The following MEF2C variants were observed in gnomAD, a reference collection of about 807,000 sequenced individuals.
The protein encoded by MEF2C is myocyte-specific enhancer factor 2C.
In MEF2C, 6 loss-of-function variants were observed where a neutral mutation model predicts 50.5. The observed-to-expected ratio is 0.12, with a 90% CI of 0.07 to 0.23. The LOEUF is 0.23. MEF2C is among the 10% of genes least tolerant of loss of function. The pLI is 1.00. For missense variants in MEF2C, 276 were observed against 605.0 expected, an observed-to-expected ratio of 0.46 and a Z score of 5.70; for synonymous variants, 183 against 228.0, an observed-to-expected ratio of 0.80 and a Z score of 1.78.
chr5:88,899,636 G>A (rs1313634863), intron 1 of MEF2C, among the ~76,000 whole-genome samples: 2 of 152,112 alleles, frequency 1.3e-5, no homozygotes, highest in Admixed American at 1.3e-4. Context: ...TTCAAAAGCA[G>A]ATACCGGACA....
chr5:88,717,682 T>A lies in MEF2C; in HGVS notation c.*4922A>T, dbSNP rs1400268369. ...GTGTCTTGTTTTCCTTTTCAGTTTT[T>A]AAATTAATCTTTCTATCAATCTTTT... On this transcript the variant is annotated 3_prime_UTR_variant, in exon 11 of 11. Coordinates refer to ENST00000504921, the MANE Select transcript of MEF2C (RefSeq NM_002397.5). 6.6e-6 allele frequency: 1 copy of A among 152,216 alleles called. No homozygotes were observed. The highest frequency in any genetic ancestry group is 1.9e-4 in the East Asian group (1 of 5,198). 9.4% of individuals were successfully genotyped at this position (152,216 alleles called of 1,614,324 possible). A position where few individuals can be genotyped will look rare whatever the true frequency, so the allele number is the denominator to read the frequency against.
chr5:88,849,300 T>A (rs1041251927), intron 1 of MEF2C, among the ~76,000 whole-genome samples: 4 of 152,160 alleles, frequency 2.6e-5, no homozygotes, highest in Non-Finnish European at 5.9e-5. Flanking sequence ...AAAATTCACA[T>A]ATCTAAGAGC....
chr5:88,754,900 C>T (rs560031380), intron 4 of MEF2C, among the ~76,000 whole-genome samples: 1 of 152,190 alleles, frequency 6.6e-6, no homozygotes, highest in Non-Finnish European at 1.5e-5. Flanking sequence ...ATCTCATCGC[C>T]TAACACCTTC....
chr5:88,763,655 TC>T (rs1778788346), intron 3 of MEF2C, among the ~76,000 whole-genome samples: 1 of 151,604 alleles, frequency 6.6e-6, no homozygotes, highest in Non-Finnish European at 1.5e-5. Flanking sequence ...ATTCTTTCTT[TC>T]TTTTTTTTTT....
At chr5:88,780,320 A>G (rs1171412839) in intron 3 of MEF2C, among the ~76,000 whole-genome samples, 1 of 152,174 alleles carries the variant, frequency 6.6e-6, no homozygotes, top group East Asian at 1.9e-4. Context: ...CTCCAGGTGC[A>G]GAGTTCAGAA....
rs955343269 is a variant in MEF2C, at chr5:88,742,803, C to T, written c.637+6267G>A. 4.1e-6 allele frequency: 4 copies of T among 985,056 alleles called. No homozygotes were observed. In the African/African-American group the frequency reaches 5.2e-5, roughly 13 times the overall value. 61.0% of individuals were successfully genotyped at this position (985,056 alleles called of 1,614,324 possible). A position where few individuals can be genotyped will look rare whatever the true frequency, so the allele number is the denominator to read the frequency against. ...AAGGTAATGGTTTATCTATAATTTG[C>T]TTGGTTTTGTATATGGAAAGTGAAC... is the stretch of plus-strand genomic sequence containing the variant. On this transcript the variant is annotated intron_variant, in intron 6 of 10. Coordinates refer to ENST00000504921, the MANE Select transcript of MEF2C (RefSeq NM_002397.5).
chr5:88,792,859 T>C (rs550205271), intron 3 of MEF2C, among the ~76,000 whole-genome samples: 6 of 152,352 alleles, frequency 3.9e-5, no homozygotes, highest in South Asian at 4.1e-4. Context: ...AATTGTTTCA[T>C]TGGAACTGTA....
At chr5:88,751,795 G>T in intron 5 of MEF2C, 62 bp downstream of exon 5, 1 of 1,532,032 alleles carries the variant, frequency 6.5e-7, no homozygotes, top group East Asian at 2.3e-5. Context: ...AAGCAGTGTT[G>T]GCTTTGCCGA....
intron 1 of MEF2C, among the ~76,000 whole-genome samples, chr5:88,856,356 C>T (rs1022968273): frequency 7.9e-5 from 12 of 152,120 alleles, no homozygotes; most frequent in African/African-American, 2.9e-4. Flanking sequence ...AAAAGGGAAA[C>T]ACAGCATAAA....
intron 3 of MEF2C, among the ~76,000 whole-genome samples, chr5:88,765,145 TGAA>T (rs1338444867): frequency 3.0e-4 from 45 of 152,342 alleles, no homozygotes; most frequent in Non-Finnish European, 3.1e-4. Context: ...TATCTTGCTA[TGAA>T]TATCACCCGA....
intron 3 of MEF2C, among the ~76,000 whole-genome samples, chr5:88,762,321 A>T (rs963513536): frequency 2.0e-5 from 3 of 152,218 alleles, no homozygotes; most frequent in Admixed American, 1.3e-4. Flanking sequence ...TCTGTCGCCC[A>T]GGCTGGAGTA....
intron 3 of MEF2C, among the ~76,000 whole-genome samples, chr5:88,795,417 G>T (rs776608381): frequency 2.0e-5 from 3 of 152,112 alleles, no homozygotes; most frequent in Non-Finnish European, 2.9e-5. Flanking sequence ...TTATGAATGG[G>T]AGTTCACTCA....
intron 3 of MEF2C, among the ~76,000 whole-genome samples, chr5:88,778,199 C>T (rs774136246): frequency 2.6e-5 from 4 of 152,120 alleles, no homozygotes; most frequent in African/African-American, 7.2e-5. Context: ...TGAGCCACCA[C>T]GCCCGGCTGC....
intron 1 of MEF2C, among the ~76,000 whole-genome samples, chr5:88,837,712 G>A (rs1211218330): frequency 1.3e-5 from 2 of 152,084 alleles, no homozygotes; most frequent in East Asian, 3.8e-4. Flanking sequence ...AAATTGACAA[G>A]TTATTGTTTG....
intron 3 of MEF2C, among the ~76,000 whole-genome samples, chr5:88,764,667 G>A (rs1257179044): frequency 6.6e-6 from 1 of 151,932 alleles, no homozygotes. Flanking sequence ...AATAAGCCAG[G>A]CATGGTGGCG....
At chr5:88,863,528 T>C (rs1328042443) in intron 1 of MEF2C, among the ~76,000 whole-genome samples, 2 of 152,224 alleles carry the variant, frequency 1.3e-5, no homozygotes, top group South Asian at 2.1e-4. Flanking sequence ...AAATATACAA[T>C]ACATTATTAT....
At chr5:88,728,381 T>A (rs2152202786) in intron 10 of MEF2C, 112 bp downstream of exon 10, 2 of 872,736 alleles carry the variant, frequency 2.3e-6, no homozygotes, top group Non-Finnish European at 3.1e-6. Flanking sequence ...TGGATTTCAA[T>A]AAAGTAGAGT....
intron 4 of MEF2C, chr5:88,760,897 G>A (rs1016778789): frequency 5.0e-6 from 7 of 1,398,622 alleles, no homozygotes; most frequent in East Asian, 4.7e-5. Context: ...TTGACTTTCC[G>A]AAGAGTCTTA....
chr5:88,879,329 T>A (rs1382746664), intron 1 of MEF2C, among the ~76,000 whole-genome samples: 1 of 151,138 alleles, frequency 6.6e-6, no homozygotes, highest in Non-Finnish European at 1.5e-5. Flanking sequence ...TCTCAAAACA[T>A]CATATTCTGT....
Sources: gnomAD v4.1 joint callset for allele counts (sites outside exome capture counted in the v4.1 genomes callset) on GRCh38, gnomAD v4.1.1 for gene constraint, MANE v1.5 for transcripts, NCBI Gene and HGNC (gene_info 2026-07-23, HGNC 2026-07-21) for gene names.